The following AGBL1 variants were observed in gnomAD, a reference collection of about 807,000 sequenced individuals.
The protein encoded by AGBL1 is cytosolic carboxypeptidase 4.
AGBL1 carries 130 observed loss-of-function variants against 118.9 expected under a neutral mutation model. That is an observed-to-expected ratio of 1.09 (90% confidence interval 0.95 to 1.26). AGBL1 has a LOEUF of 1.26. Among genes scored for constraint, AGBL1 ranks in the 50% most tolerant of loss-of-function variants. The pLI is 0.00. For synonymous variants in AGBL1, 555 were observed against 478.9 expected (o/e 1.16, Z -2.08); for missense variants, 1,584 against 1,298.1 (o/e 1.22, Z -3.38).
At position 86,653,503 on chromosome 15, in the gene AGBL1, T is replaced by C. The variant is rs532230577; in HGVS notation, c.2995-20770T>C. Among the ~76,000 whole-genome samples the C allele has an allele frequency of 3.9e-5, 6 of 152,288 alleles. No homozygotes were observed. The South Asian group carries it at 1.0e-3, about 26-fold the overall frequency. ...AGACATCGGATATAAACCACAGTGA[T>C]GAGCAGCGCACAATCTATAGCTGCT... On this transcript the variant is annotated intron_variant, in intron 21 of 22. Transcript: ENST00000614907.
chr15:86,447,403 T>C (rs2082134501), intron 18 of AGBL1, among the ~76,000 whole-genome samples: 1 of 152,190 alleles, frequency 6.6e-6, no homozygotes, highest in Non-Finnish European at 1.5e-5. Flanking sequence ...CTGCCATGTG[T>C]AGCCTGAGAA....
chr15:86,836,334 A>G (rs980617431), intron 22 of AGBL1, among the ~76,000 whole-genome samples: 13 of 152,270 alleles, frequency 8.5e-5, no homozygotes, highest in African/African-American at 2.9e-4. Flanking sequence ...ATAACAAAGA[A>G]CCAGCTCTCA....
chr15:86,593,321 A>C (rs2084363742), intron 21 of AGBL1, among the ~76,000 whole-genome samples: 1 of 151,148 alleles, frequency 6.6e-6, no homozygotes, highest in Non-Finnish European at 1.5e-5. Flanking sequence ...TGAGAAAAGA[A>C]CTTAGAAACC....
chr15:86,501,040 G>A (rs2082912167), intron 18 of AGBL1, among the ~76,000 whole-genome samples: 1 of 151,628 alleles, frequency 6.6e-6, no homozygotes, highest in Non-Finnish European at 1.5e-5. Context: ...GGATCATATG[G>A]TGCTGGGTCA....
At chr15:86,967,358 T>C (rs1237195164) in intron 23 of AGBL1, among the ~76,000 whole-genome samples, 4 of 152,154 alleles carry the variant, frequency 2.6e-5, no homozygotes, top group African/African-American at 7.2e-5. Flanking sequence ...ATTTTGGCTT[T>C]TGTTGCCATT....
chr15:86,644,246 C>T (rs2085240566), intron 21 of AGBL1, among the ~76,000 whole-genome samples: 1 of 151,876 alleles, frequency 6.6e-6, no homozygotes, highest in South Asian at 2.1e-4. Flanking sequence ...CAAATAATTG[C>T]TTGATTAAAC....
rs559420071 is a variant in AGBL1 at position 86,554,423 on chromosome 15, C to G, written c.2880C>G (p.Leu960=). Residue 960 remains leucine, a synonymous_variant, in exon 21 of 23, where the codon CTC becomes CTG. Transcript: ENST00000614907. The stretch of plus-strand genomic sequence containing the variant: ...TCACAATGAGCAGCTGCAGCTTTCT[C>G]GTGGAGAAATCTCGAGCTTCCACGG... ...PAFTMSSCSF[L]VEKSRASTAR... 3.1e-6 allele frequency: 5 copies of G among 1,587,898 alleles called. No individual in the cohort carries two copies. In the East Asian group the frequency reaches 1.1e-4, roughly 36 times the overall value.
chr15:86,177,084 G>A (rs1365120946), intron 5 of AGBL1, among the ~76,000 whole-genome samples: 1 of 152,072 alleles, frequency 6.6e-6, no homozygotes, highest in Non-Finnish European at 1.5e-5. Flanking sequence ...GACTTGAGTG[G>A]GTTAAAAGTA....
chr15:86,543,368 T>G (rs1445679245), intron 19 of AGBL1, among the ~76,000 whole-genome samples: 1 of 152,252 alleles, frequency 6.6e-6, no homozygotes. Flanking sequence ...ACATGCAGTA[T>G]ATTGCTACTA....
chr15:86,803,029 G>C (rs1331173373), intron 22 of AGBL1, among the ~76,000 whole-genome samples: 2 of 152,206 alleles, frequency 1.3e-5, no homozygotes, highest in African/African-American at 4.8e-5. Flanking sequence ...AAGGAAGTGA[G>C]GGTTCTTTTG....
chr15:86,748,048 C>T (rs182131043), intron 22 of AGBL1, among the ~76,000 whole-genome samples: 7 of 152,266 alleles, frequency 4.6e-5, no homozygotes, highest in South Asian at 4.1e-4. Flanking sequence ...CTTGAGGAAT[C>T]GCCACACTGT....
At chr15:86,635,616 G>T (rs1189595105) in intron 21 of AGBL1, among the ~76,000 whole-genome samples, 1 of 151,862 alleles carries the variant, frequency 6.6e-6, no homozygotes, top group Non-Finnish European at 1.5e-5. Flanking sequence ...GGAAAAGTAG[G>T]TGTGCTGGGT....
chr15:86,761,620 G>A (rs76491337), intron 22 of AGBL1, among the ~76,000 whole-genome samples: 3,121 of 152,090 alleles, frequency 0.021, 50 homozygotes, highest in Non-Finnish European at 0.033. Context: ...ATGAAATTTG[G>A]CATATAAAAA....
At chr15:86,099,188 C>A (rs1242255738) in intron 1 of AGBL1, among the ~76,000 whole-genome samples, 1 of 151,872 alleles carries the variant, frequency 6.6e-6, no homozygotes, top group African/African-American at 2.4e-5. Flanking sequence ...AAAGCAAGAG[C>A]AAAACAAACC....
intron 17 of AGBL1, among the ~76,000 whole-genome samples, chr15:86,380,559 G>T (rs12901926): frequency 4.2e-5 from 6 of 142,348 alleles, no homozygotes; most frequent in East Asian, 4.1e-4. Flanking sequence ...TTCTTCCTCC[G>T]TCCCTTTCCC....
At chr15:86,425,564 C>T (rs1236990862) in intron 18 of AGBL1, among the ~76,000 whole-genome samples, 1 of 151,966 alleles carries the variant, frequency 6.6e-6, no homozygotes, top group African/African-American at 2.4e-5. Flanking sequence ...AAATTCCAGA[C>T]TATTAATAGA....
intron 24 of AGBL1, among the ~76,000 whole-genome samples, chr15:87,016,819 T>A (rs1043223909): frequency 4.6e-5 from 7 of 152,046 alleles, no homozygotes; most frequent in African/African-American, 1.7e-4. Context: ...CTCCCACAGA[T>A]CTTTGCAACC....
At chr15:86,349,276 A>C (rs2141897328) in intron 17 of AGBL1, among the ~76,000 whole-genome samples, 1 of 152,332 alleles carries the variant, frequency 6.6e-6, no homozygotes, top group South Asian at 2.1e-4. Flanking sequence ...AATACCTAGG[A>C]AATTAATACG....
intron 18 of AGBL1, among the ~76,000 whole-genome samples, chr15:86,415,959 A>C (rs2081688178): frequency 6.6e-6 from 1 of 152,338 alleles, no homozygotes; most frequent in East Asian, 1.9e-4. Context: ...TATATGTCAT[A>C]GTATTTTCAC....
Sources: allele counts gnomAD v4.1 joint callset (sites outside exome capture counted in the v4.1 genomes callset), GRCh38; gene constraint gnomAD v4.1.1; transcripts MANE v1.5; gene names NCBI Gene and HGNC (gene_info 2026-07-23, HGNC 2026-07-21).